Variants in LPIN1 observed in about 807,000 individuals in gnomAD.
LPIN1 encodes the protein lipin 1.
A neutral mutation model predicts 107.5 loss-of-function variants in LPIN1; 71 were observed. That is an observed-to-expected ratio of 0.66 (90% CI 0.55 to 0.80). The LOEUF is 0.80. LPIN1 is among the 30% of genes least tolerant of loss of function. The probability of loss-of-function intolerance (pLI) is 0.00; values close to 1 mark genes in which losing one functional copy is unlikely to be tolerated. For missense variants in LPIN1, 1,043 were observed against 1,160.6 expected (o/e 0.90, Z 1.47); for synonymous variants, 445 against 452.6 (o/e 0.98, Z 0.21).
chr2:11,782,165 G>C, intron 7 of LPIN1, 36 bp from the exon 8 acceptor site: 2 of 1,544,120 alleles, frequency 1.3e-6, no homozygotes, highest in Non-Finnish European at 1.8e-6. Flanking sequence ...TGCTGACCTT[G>C]TCTCTCTCTC....
chr2:11,787,468 G>C (rs1674832359), intron 11 of LPIN1, among the ~76,000 whole-genome samples: 1 of 128,252 alleles, frequency 7.8e-6, no homozygotes, highest in Non-Finnish European at 1.6e-5. Flanking sequence ...TGGTGCAGTT[G>C]TAGCTCACTG....
intron 14 of LPIN1, among the ~76,000 whole-genome samples, chr2:11,795,938 A>T (rs1016264693): frequency 6.6e-6 from 1 of 152,210 alleles, no homozygotes; most frequent in Non-Finnish European, 1.5e-5. Flanking sequence ...ACATGGATTC[A>T]TATTCACTTG....
At chr2:11,788,313 A>T in intron 11 of LPIN1, 74 bp from the exon 12 acceptor site, 1 of 1,163,112 alleles carries the variant, frequency 8.6e-7, no homozygotes, top group Non-Finnish European at 1.3e-6. Context: ...TTCCTTGACT[A>T]CTTTATATGA....
intron 1 of LPIN1, among the ~76,000 whole-genome samples, chr2:11,696,644 G>A (rs892648928): frequency 3.3e-5 from 5 of 152,192 alleles, no homozygotes; most frequent in Non-Finnish European, 7.3e-5. Flanking sequence ...TGAGCAGACA[G>A]CAAGCTTCTG....
chr2:11,791,956 G>T lies in LPIN1; in HGVS notation c.1756G>T (p.Gly586Ter). ...SIMRDKMPKK[G>*]GRWWFSWRGR... ...CATGAGGGATAAAATGCCCAAAAAG[G>T]GAGGAAGATGGTGGTTTTCATGGAG... The change falls in exon 13 of 21, where the codon GGA (glycine) becomes TGA (stop). Residue 586 changes from glycine to a stop codon, truncating the protein, a stop_gained. Coordinates refer to ENST00000674199, the MANE Select transcript of LPIN1 (RefSeq NM_001349206.2). LOFTEE classifies it high-confidence loss of function. 6.2e-7 allele frequency: 1 copy of T among 1,614,076 alleles called. No homozygotes were observed.
In LPIN1 at chr2:11,765,876, C is replaced by T. The variant is rs372132671; in HGVS notation, c.192+143C>T. 1.8e-5 allele frequency: 12 copies of T among 677,036 alleles called. No homozygotes were observed. In the African/African-American group the frequency reaches 2.0e-4, roughly 11 times the overall value. The allele number at this position is 677,036 out of a possible 1,614,324, so 41.9% of individuals were successfully genotyped here. ...TGGCCAGTCACGGAACTGACAGTGA[C>T]TAATTGAAATTATTCTAGTTAGTAT... On this transcript the variant is annotated intron_variant, in intron 2 of 20. Transcript: ENST00000674199. This position sits in a 1 kb window ranked among gnomAD's most constrained non-coding sequence, Gnocchi z 4.4.
intron 17 of LPIN1, 198 bp downstream of exon 17, chr2:11,805,354 C>A: frequency 1.5e-6 from 1 of 650,856 alleles, no homozygotes; most frequent in Non-Finnish European, 2.8e-6. Flanking sequence ...AATTTGAATT[C>A]AATACCAAGA....
chr2:11,777,747 A>G (rs888506139), intron 6 of LPIN1, among the ~76,000 whole-genome samples: 2 of 152,236 alleles, frequency 1.3e-5, no homozygotes, highest in African/African-American at 4.8e-5. Flanking sequence ...AGCTTTGTCT[A>G]AAGGACTTTA....
chr2:11,759,189 C>CTTTG, intron 1 of LPIN1, among the ~76,000 whole-genome samples: 1 of 99,990 alleles, frequency 1.0e-5, no homozygotes, highest in Middle Eastern at 4.9e-3. Flanking sequence ...TTCTTTCTTT[C>CTTTG]TTTTCTTTCT....
At chr2:11,822,592 A>C (rs1385308340) in intron 20 of LPIN1, among the ~76,000 whole-genome samples, 1 of 152,104 alleles carries the variant, frequency 6.6e-6, no homozygotes, top group African/African-American at 2.4e-5. Flanking sequence ...AAACCATCAG[A>C]TCTCATGCGA....
intron 1 of LPIN1, among the ~76,000 whole-genome samples, chr2:11,726,965 G>A (rs1303038277): frequency 6.6e-6 from 1 of 152,200 alleles, no homozygotes; most frequent in Non-Finnish European, 1.5e-5. Flanking sequence ...ACAAAGGAAC[G>A]TGCCCTTTTC....
At chr2:11,767,645 T>G (rs998010139) in intron 2 of LPIN1, 118 bp from the exon 3 acceptor site, 3 of 739,254 alleles carry the variant, frequency 4.1e-6, no homozygotes, top group Non-Finnish European at 7.5e-6. Flanking sequence ...CTGGGAGTTG[T>G]GTGGCACTTC....
chr2:11,819,982 C>T (rs945988605), intron 19 of LPIN1, among the ~76,000 whole-genome samples: 1 of 152,166 alleles, frequency 6.6e-6, no homozygotes, highest in Non-Finnish European at 1.5e-5. Context: ...AGTGTTGTCT[C>T]GTATCATGAA....
chr2:11,759,900 G>A (rs1381485149), intron 1 of LPIN1, among the ~76,000 whole-genome samples: 8 of 145,934 alleles, frequency 5.5e-5, no homozygotes, highest in South Asian at 2.2e-4. Context: ...GCTGCCGGGC[G>A]GAGACGCTCC....
At chr2:11,713,778 G>A (rs1663554032) in exon 2 of LPIN1, 2 of 1,521,670 alleles carry the variant, frequency 1.3e-6, no homozygotes, top group Non-Finnish European at 1.8e-6. Flanking sequence ...AGAGACCCTG[G>A]GTGGATTCGA....
chr2:11,719,788 C>T (rs1384172630), upstream of LPIN1, among the ~76,000 whole-genome samples: 1 of 74,694 alleles, frequency 1.3e-5, no homozygotes, highest in African/African-American at 3.5e-5. Context: ...TAACCAATTG[C>T]TTCTTTTTTT....
chr2:11,679,337 TG>T (rs1661588160), intron 1 of LPIN1, among the ~76,000 whole-genome samples: 1 of 152,222 alleles, frequency 6.6e-6, no homozygotes, highest in Non-Finnish European at 1.5e-5. Context: ...TCCCTACAGA[TG>T]TGGAAGTTTG....
exon 1 of LPIN1, chr2:11,677,609 G>T (rs753744145): frequency 4.1e-6 from 6 of 1,446,020 alleles, no homozygotes; most frequent in Non-Finnish European, 5.6e-6. Context: ...CTCTCCTGAT[G>T]CTGGGTGAGG....
intron 1 of LPIN1, among the ~76,000 whole-genome samples, chr2:11,696,878 C>G (rs1662612942): frequency 6.6e-6 from 1 of 152,226 alleles, no homozygotes; most frequent in South Asian, 2.1e-4. Flanking sequence ...GTGTCCTGCG[C>G]CCCTCCCTGG....
Sources: gnomAD v4.1 joint callset for allele counts (sites outside exome capture counted in the v4.1 genomes callset) on GRCh38, gnomAD v4.1.1 for gene constraint, Gnocchi (gnomAD v3.1) non-coding constraint, MANE v1.5 for transcripts, NCBI Gene and HGNC (gene_info 2026-07-23, HGNC 2026-07-21) for gene names.